TICRR: variants seen among roughly 807,000 people sequenced by gnomAD.
TICRR encodes the protein treslin.
TICRR carries 132 observed loss-of-function variants against 178.1 expected under a neutral mutation model. The observed-to-expected ratio is 0.74, with a 90% CI of 0.64 to 0.86. TICRR has a LOEUF of 0.86. Ranked by LOEUF, TICRR falls within the 40% of genes least tolerant of loss-of-function variation. The pLI is 0.00. For missense variants in TICRR, 2,587 were observed against 2,334.3 expected, an observed-to-expected ratio of 1.11 and a Z score of -2.23; for synonymous variants, 991 against 900.7, an observed-to-expected ratio of 1.10 and a Z score of -1.79.
rs1250797543 is a variant in TICRR at position 89,627,959 on chromosome 15, G to A, written c.*873G>A. 1 of 155,014 alleles carries A rather than the reference G, an allele frequency of 6.5e-6. No individual in the cohort carries two copies. The highest frequency in any genetic ancestry group is 2.4e-5 in the African/African-American group (1 of 41,506). The allele number at this position is 155,014 out of a possible 1,614,324, so 9.6% of individuals were successfully genotyped here. On this transcript the variant is annotated 3_prime_UTR_variant, in exon 22 of 22. Transcript: ENST00000268138. ...TATTGTCTTGTAAATCAAACTCTAAGTGAAAACTTCCCATTTGTCCCTTCA... is the reference window on the plus strand; with the variant it reads ...TATTGTCTTGTAAATCAAACTCTAAATGAAAACTTCCCATTTGTCCCTTCA...
intron 9 of TICRR, among the ~76,000 whole-genome samples, 181 bp from the exon 10 acceptor site, chr15:89,601,117 T>C (rs2141965195): frequency 6.6e-6 from 1 of 152,052 alleles, no homozygotes; most frequent in South Asian, 2.1e-4. Context: ...TTCTTTTTTA[T>C]GTTATAATAT....
intron 3 of TICRR, 150 bp downstream of exon 3, chr15:89,584,677 C>T: frequency 1.3e-6 from 1 of 764,938 alleles, no homozygotes; most frequent in Non-Finnish European, 1.9e-6. Context: ...AGTATCATGA[C>T]AGCAATGCTT....
At chr15:89,619,910 A>G (rs546706968) in intron 18 of TICRR, 68 bp downstream of exon 18, 6 of 1,532,582 alleles carry the variant, frequency 3.9e-6, no homozygotes, top group Non-Finnish European at 5.3e-6. Context: ...TTGGGAAAAG[A>G]AGCAAGAAAT....
intron 7 of TICRR, among the ~76,000 whole-genome samples, chr15:89,597,524 CAA>C (rs573543978): frequency 1.0e-4 from 12 of 117,496 alleles, no homozygotes; most frequent in Admixed American, 2.6e-4. Flanking sequence ...GACTCTGTCT[CAA>C]AAAAAAAAAA....
At chr15:89,593,956 C>T (rs1390159481) in intron 5 of TICRR, among the ~76,000 whole-genome samples, 1 of 152,192 alleles carries the variant, frequency 6.6e-6, no homozygotes, top group Non-Finnish European at 1.5e-5. Context: ...ACCCCTCCTG[C>T]CTGCCCTACT....
At chr15:89,607,941 C>G (rs190342584) in intron 14 of TICRR, among the ~76,000 whole-genome samples, 3 of 152,006 alleles carry the variant, frequency 2.0e-5, no homozygotes, top group Admixed American at 2.0e-4. Flanking sequence ...TTAAAATGTC[C>G]CAGCAGCTTA....
chr15:89,614,096 G>C (rs1052729099), intron 15 of TICRR, among the ~76,000 whole-genome samples: 1 of 152,022 alleles, frequency 6.6e-6, no homozygotes. Flanking sequence ...AGAGGTTGCA[G>C]TGAGCCGAGA....
chr15:89,607,929 A>G (rs1026363341), intron 14 of TICRR, among the ~76,000 whole-genome samples: 2 of 152,180 alleles, frequency 1.3e-5, no homozygotes, highest in Admixed American at 1.3e-4. Context: ...CAAGAATAAA[A>G]TTTAAAATGT....
chr15:89,599,300 C>A (rs1299257904), intron 7 of TICRR, 24 bp from the exon 8 acceptor site: 1 of 1,568,234 alleles, frequency 6.4e-7, no homozygotes, highest in Non-Finnish European at 8.7e-7. Flanking sequence ...ATGATTAATC[C>A]ATTTTATTTT....
chr15:89,621,088 C>T lies in TICRR; in HGVS notation c.3155-305C>T, dbSNP rs1024897423. Among the ~76,000 whole-genome samples the T allele has an allele frequency of 8.0e-5, 12 of 149,806 alleles. No individual in the cohort carries two copies. In the South Asian group the frequency reaches 1.1e-3, roughly 13 times the overall value. Reference sequence around the variant, plus strand: ...AGGCTGGAGTGCAATGGTGCAATGTCGTCTCACTGCAACCTCCACCTCCTG... The same window carrying T: ...AGGCTGGAGTGCAATGGTGCAATGTTGTCTCACTGCAACCTCCACCTCCTG... On this transcript the variant is annotated intron_variant, in intron 18 of 21. Transcript: ENST00000268138.
In TICRR at chr15:89,627,235, T is replaced by A; in HGVS notation, c.*149T>A. 1 of 934,478 alleles carries A rather than the reference T, an allele frequency of 1.1e-6. No individual in the cohort carries two copies. The highest frequency in any genetic ancestry group is 1.6e-6 in the Non-Finnish European group (1 of 634,124). The allele number at this position is 934,478 out of a possible 1,614,324, so 57.9% of individuals were successfully genotyped here. A position where few individuals can be genotyped will look rare whatever the true frequency, so the allele number is the denominator to read the frequency against. On this transcript the variant is annotated 3_prime_UTR_variant, in exon 22 of 22. Coordinates refer to ENST00000268138, the MANE Select transcript of TICRR (RefSeq NM_152259.4). Reference sequence around the variant, plus strand: ...CCTTAGGGTTTTCTAATTCCCCTTATGGATCCAATCCATCTCCTGGCCCTG... The same window carrying A: ...CCTTAGGGTTTTCTAATTCCCCTTAAGGATCCAATCCATCTCCTGGCCCTG...
At chr15:89,594,263 T>C in intron 5 of TICRR, 152 bp from the exon 6 acceptor site, 2 of 604,804 alleles carry the variant, frequency 3.3e-6, no homozygotes, top group Non-Finnish European at 2.7e-6. Context: ...GGAGGGACAT[T>C]TTCTCTCCTA....
rs756764187 is a variant in TICRR at position 89,584,400 on chromosome 15, C to G, written c.1049C>G (p.Ser350Cys). Residue 350 changes from serine to cysteine, a missense_variant, in exon 3 of 22, where the codon TCT (serine) becomes TGT (cysteine). Transcript: ENST00000268138. The part of the protein sequence containing the change: ...IFLKGSVAQW[S>C]LPTSSTLGTD... ...CTAAAAGGCTCAGTGGCCCAGTGGT[C>G]TCTCCCAACGAGCAGCACTTTGGGC... The G allele has an allele frequency of 4.8e-5, 78 of 1,614,040 alleles. No individual in the cohort carries two copies. Among genetic ancestry groups the G allele is most frequent in the Non-Finnish European group, 6.6e-5 (78 of 1,180,028 alleles).
At chr15:89,595,253 A>G (rs1962977664) in intron 6 of TICRR, 140 bp from the exon 7 acceptor site, 1 of 662,876 alleles carries the variant, frequency 1.5e-6, no homozygotes, top group African/African-American at 1.8e-5. Flanking sequence ...AAAGAGATGC[A>G]AGAACTTCCT....
intron 14 of TICRR, among the ~76,000 whole-genome samples, chr15:89,607,054 A>G (rs1963186295): frequency 6.6e-6 from 1 of 152,202 alleles, no homozygotes; most frequent in South Asian, 2.1e-4. Flanking sequence ...AAATTAAAAA[A>G]AACATCATGA....
In TICRR at chr15:89,592,129, T is replaced by A; in HGVS notation, c.1494T>A (p.Pro498=). Residue 498 remains proline, a synonymous_variant, in exon 5 of 22, where the codon CCT becomes CCA. Transcript: ENST00000268138. ...WSPAVVEKWF[P]FCNISGASSD... ...CAGCTGTTGTGGAAAAGTGGTTTCC[T>A]TTCTGTAACATCAGTGGTGCCAGTT... 6.2e-7 allele frequency: 1 copy of A among 1,613,238 alleles called. No homozygotes were observed. The highest frequency in any genetic ancestry group is 8.5e-7 in the Non-Finnish European group (1 of 1,179,192).
Position 89,575,584 on chromosome 15 carries a change from G to C in TICRR, c.-3G>C. 1 of 1,470,094 alleles carries C rather than the reference G, an allele frequency of 6.8e-7. No individual in the cohort carries two copies. The highest frequency in any genetic ancestry group is 8.9e-7 in the Non-Finnish European group (1 of 1,118,560). The allele number at this position is 1,470,094 out of a possible 1,614,324, so 91.1% of individuals were successfully genotyped here. The stretch of plus-strand genomic sequence containing the variant: ...GGGGCCCCGGGGCGGCGGCACGGCC[G>C]ATATGGCATGCTGTCACAAAGTAAT... On this transcript the variant is annotated 5_prime_UTR_variant, in exon 1 of 22. Coordinates refer to ENST00000268138, the MANE Select transcript of TICRR (RefSeq NM_152259.4).
rs202141992 is a variant in TICRR at position 89,625,280 on chromosome 15, C to A, written c.4970C>A (p.Pro1657His). The A allele has an allele frequency of 1.2e-6, 2 of 1,614,040 alleles. No individual in the cohort carries two copies. The highest frequency in any genetic ancestry group is 1.3e-5 in the African/African-American group (1 of 75,036). ...CCCACCCACGGCCCTTCTAGTACCC[C>A]CTCTCCATTTCAAACAGATGGGGTT... ...CTPTHGPSST[P>H]SPFQTDGVPW... Residue 1657 changes from proline to histidine, a missense_variant, in exon 20 of 22, where the codon CCC becomes CAC. Coordinates refer to ENST00000268138, the MANE Select transcript of TICRR (RefSeq NM_152259.4).
At chr15:89,622,216 C>G (rs369208207) in intron 19 of TICRR, among the ~76,000 whole-genome samples, 34 of 152,166 alleles carry the variant, frequency 2.2e-4, no homozygotes, top group Middle Eastern at 3.4e-3. Flanking sequence ...GAACTCCTGA[C>G]CTCAAGTGAT....
Sources: allele counts gnomAD v4.1 joint callset (sites outside exome capture counted in the v4.1 genomes callset), GRCh38; gene constraint gnomAD v4.1.1; transcripts MANE v1.5; gene names NCBI Gene and HGNC (gene_info 2026-07-23, HGNC 2026-07-21).